The following TBC1D32 variants were observed in gnomAD, a reference collection of about 807,000 sequenced individuals.
TBC1D32 encodes the protein TBC1 domain family member 32.
Under a neutral mutation model 170.3 loss-of-function variants are expected in TBC1D32, and 151 were observed. The ratio of observed to expected loss-of-function variants is 0.89; its 90% confidence interval spans 0.78 to 1.01. TBC1D32 has a LOEUF of 1.01. Ranked by LOEUF, TBC1D32 falls within the 50% of genes least tolerant of loss-of-function variation. The pLI, the probability that TBC1D32 is intolerant of heterozygous loss-of-function variation, is 0.00. For synonymous variants in TBC1D32, 498 were observed against 488.0 expected (o/e 1.02, Z -0.27); for missense variants, 1,464 against 1,457.1 (o/e 1.00, Z -0.08).
rs781567231 is a variant in TBC1D32 at position 121,299,460 on chromosome 6, T to C, written c.1126A>G (p.Lys376Glu). 2 of 1,510,990 alleles carry C rather than the reference T, an allele frequency of 1.3e-6. No individual in the cohort carries two copies. Among genetic ancestry groups the C allele is most frequent in the South Asian group, 2.3e-5 (2 of 86,646 alleles). 93.6% of individuals were successfully genotyped at this position (1,510,990 alleles called of 1,614,324 possible). ...TACAGACTTACCAGAGACTTATATT[T>C]CGTTTCAAGAAGTCTTAATACTGTA... ...RTTVLRLLET[K>E]YKSLVTTAIQ... is the part of the protein sequence containing the mutation. Residue 376 changes from lysine (K) to glutamate (E), a missense_variant, in exon 10 of 32, where the codon AAA (lysine) becomes GAA (glutamate). Around this residue, in one of 3 missense-constraint regions of TBC1D32, gnomAD observed 1,363 missense variants for 1,338.1 expected, o/e 1.02. Transcript: ENST00000398212.
intron 21 of TBC1D32, among the ~76,000 whole-genome samples, chr6:121,218,664 G>GAT (rs368451167): frequency 5.3e-5 from 8 of 151,866 alleles, no homozygotes; most frequent in African/African-American, 1.5e-4. Flanking sequence ...TTGATATATA[G>GAT]ATATATATAT....
intron 21 of TBC1D32, among the ~76,000 whole-genome samples, chr6:121,211,263 G>A (rs116784683): frequency 0.012 from 1,869 of 152,126 alleles, 21 homozygotes; most frequent in Middle Eastern, 0.048. Context: ...AGTATAGCAG[G>A]CTATATTTCA....
intron 17 of TBC1D32, among the ~76,000 whole-genome samples, chr6:121,247,172 C>T (rs1414773045): frequency 6.6e-6 from 1 of 151,980 alleles, no homozygotes; most frequent in East Asian, 1.9e-4. Flanking sequence ...TTATTTATAG[C>T]TCCCTTAAGC....
At chr6:121,301,816 G>A (rs949860628) in intron 9 of TBC1D32, among the ~76,000 whole-genome samples, 5 of 151,682 alleles carry the variant, frequency 3.3e-5, no homozygotes, top group African/African-American at 7.3e-5. Context: ...TTTAAATAGA[G>A]ATGAGGTTTT....
chr6:121,304,798 C>T lies in TBC1D32; in HGVS notation c.726G>A (p.Leu242=), dbSNP rs1364176091. Residue 242 remains leucine, a synonymous_variant, in exon 6 of 32, where the codon TTG becomes TTA. Coordinates refer to ENST00000398212, the MANE Select transcript of TBC1D32 (RefSeq NM_152730.6). ...CCTTGGTCATATGTAATGGAGAAAG[C>T]AAAAATGTCTGTGCACAGAATTTTA... ...RILKFCAQTF[L]LSPLHMTKEI... is the part of the protein sequence containing the mutation. 1 of 1,609,160 alleles carries T rather than the reference C, an allele frequency of 6.2e-7. No individual in the cohort carries two copies. The highest frequency in any genetic ancestry group is 2.2e-5 in the East Asian group (1 of 44,728).
chr6:121,146,905 G>A (rs1783521582), intron 24 of TBC1D32, among the ~76,000 whole-genome samples: 1 of 152,076 alleles, frequency 6.6e-6, no homozygotes, highest in South Asian at 2.1e-4. Flanking sequence ...GGATACAGAT[G>A]GTCCTGTCAC....
Position 121,079,711 on chromosome 6 carries a change from T to A in TBC1D32, c.*1060A>T, listed in dbSNP as rs1257063315. 1 of 152,212 alleles carries A rather than the reference T, an allele frequency of 6.6e-6. No homozygotes were observed. The allele number at this position is 152,212 out of a possible 1,614,324, so 9.4% of individuals were successfully genotyped here. ...TTAATCTTACCGGTGCAGAGACATC[T>A]ATTTAAATAAGACAAATCATAGTGT... On this transcript the variant is annotated 3_prime_UTR_variant, in exon 32 of 32. Transcript: ENST00000398212.
intron 10 of TBC1D32, among the ~76,000 whole-genome samples, chr6:121,295,594 A>C (rs1375899763): frequency 6.6e-6 from 1 of 152,106 alleles, no homozygotes; most frequent in Non-Finnish European, 1.5e-5. Flanking sequence ...GGGGGAAGCC[A>C]ACAGAGGGGA....
intron 1 of TBC1D32, among the ~76,000 whole-genome samples, chr6:121,331,212 T>C (rs1014310445): frequency 3.3e-5 from 5 of 151,968 alleles, no homozygotes; most frequent in African/African-American, 1.2e-4. Flanking sequence ...TTGTTGTTGT[T>C]GTTGTTGTTT....
intron 22 of TBC1D32, among the ~76,000 whole-genome samples, chr6:121,201,084 A>G (rs1465216797): frequency 6.6e-6 from 1 of 151,446 alleles, no homozygotes; most frequent in Non-Finnish European, 1.5e-5. Context: ...TCGATTAACT[A>G]ATTATCTTAC....
At position 121,321,742 on chromosome 6, in the gene TBC1D32, T is replaced by C. The variant is rs535817936; in HGVS notation, c.208A>G (p.Met70Val). 1.3e-5 allele frequency: 21 copies of C among 1,614,000 alleles called. No individual in the cohort carries two copies. The East Asian group carries it at 1.6e-4, about 12-fold the overall frequency. Residue 70 changes from methionine (M) to valine (V), a missense_variant, in exon 2 of 32, where the codon ATG becomes GTG. Around this residue, in one of 3 missense-constraint regions of TBC1D32, gnomAD observed 1,363 missense variants for 1,338.1 expected, o/e 1.02. Transcript: ENST00000398212. ...RQHIGNTLGS[M>V]IEEEMEKCTS... The stretch of plus-strand genomic sequence containing the variant: ...CATTTTTCCATTTCTTCTTCAATCA[T>C]AGAACCCAAAGTGTTGCCTATATGC...
At chr6:121,319,599 T>C (rs1809407863) in intron 2 of TBC1D32, among the ~76,000 whole-genome samples, 1 of 152,110 alleles carries the variant, frequency 6.6e-6, no homozygotes, top group South Asian at 2.1e-4. Flanking sequence ...TAAAGAACTA[T>C]AAAAGTAAAT....
chr6:121,286,017 A>G (rs1026704214), intron 12 of TBC1D32, among the ~76,000 whole-genome samples: 6 of 152,208 alleles, frequency 3.9e-5, no homozygotes, highest in African/African-American at 1.4e-4. Flanking sequence ...CCAAAGGTAG[A>G]TAAAACCACA....
chr6:121,297,379 C>G (rs4607467), intron 10 of TBC1D32, among the ~76,000 whole-genome samples: 150,481 of 152,204 alleles, frequency 0.99, 74,422 homozygotes, highest in East Asian at 1. Flanking sequence ...CAATAAGACA[C>G]GAAAAACCAA....
chr6:121,279,099 C>T, intron 15 of TBC1D32, 22 bp downstream of exon 15: 1 of 1,572,604 alleles, frequency 6.4e-7, no homozygotes, highest in East Asian at 2.3e-5. Flanking sequence ...GAATAATTAT[C>T]CGGATTTAAA....
At position 121,126,517 on chromosome 6, in the gene TBC1D32, T is replaced by C. The variant is rs1278312280; in HGVS notation, c.2900-56A>G. 7.0e-6 allele frequency: 9 copies of C among 1,287,760 alleles called. No homozygotes were observed. In the East Asian group the frequency reaches 1.2e-4, roughly 17 times the overall value. The allele number at this position is 1,287,760 out of a possible 1,614,324, so 79.8% of individuals were successfully genotyped here. On this transcript the variant is annotated intron_variant, in intron 25 of 31. Transcript: ENST00000398212. ...TAAAGGTCAGAATAATATGTGACAA[T>C]GCATCCTTAAATCACAGAACTAGTA...
rs775613387 is a variant in TBC1D32, at chr6:121,334,432, C to T, written c.-2G>A. ...GTCCTCGCTGGAGAAATGGGCCATC[C>T]TGTTGGAATCAAACGTCCACTCTCA... On this transcript the variant is annotated 5_prime_UTR_variant, in exon 1 of 32. Coordinates refer to ENST00000398212, the MANE Select transcript of TBC1D32 (RefSeq NM_152730.6). The T allele has an allele frequency of 2.5e-6, 4 of 1,612,946 alleles. No homozygotes were observed. The South Asian group carries it at 4.4e-5, about 18-fold the overall frequency.
At chr6:121,090,646 A>G (rs974119335) in intron 31 of TBC1D32, among the ~76,000 whole-genome samples, 1 of 152,170 alleles carries the variant, frequency 6.6e-6, no homozygotes, top group Non-Finnish European at 1.5e-5. Flanking sequence ...AGCTTATTTC[A>G]TATTCCAGTT....
At chr6:121,304,322 C>T in intron 8 of TBC1D32, 43 bp downstream of exon 8, 2 of 1,586,316 alleles carry the variant, frequency 1.3e-6, no homozygotes, top group South Asian at 2.2e-5. Flanking sequence ...GGGGCAGTAA[C>T]ACCGCTAGGT....
Sources: allele counts gnomAD v4.1 joint callset (sites outside exome capture counted in the v4.1 genomes callset), GRCh38; gene constraint gnomAD v4.1.1; regional missense constraint gnomAD v4.1.1; transcripts MANE v1.5; gene names NCBI Gene and HGNC (gene_info 2026-07-23, HGNC 2026-07-21).